WWOX: variants seen among roughly 807,000 people sequenced by gnomAD.
WWOX encodes the protein WW domain-containing oxidoreductase.
Under a neutral mutation model 46.2 loss-of-function variants are expected in WWOX, and 69 were observed. That is an observed-to-expected ratio of 1.49 (90% CI 1.23 to 1.82). The LOEUF is 1.82. Ranked by LOEUF, WWOX falls within the 40% of genes most tolerant of loss-of-function variation. The pLI is 0.00. For synonymous variants in WWOX, 359 were observed against 202.6 expected, an observed-to-expected ratio of 1.77 and a Z score of -6.56; for missense variants, 919 against 542.6, an observed-to-expected ratio of 1.69 and a Z score of -6.89.
At chr16:78,689,838 C>A (rs2047945143) in intron 8 of WWOX, among the ~76,000 whole-genome samples, 1 of 152,074 alleles carries the variant, frequency 6.6e-6, no homozygotes, top group South Asian at 2.1e-4. Flanking sequence ...TAACAAATGT[C>A]AAGGTAACTT....
chr16:78,372,675 G>C (rs184832097), intron 5 of WWOX, among the ~76,000 whole-genome samples: 2 of 152,146 alleles, frequency 1.3e-5, no homozygotes, highest in African/African-American at 2.4e-5. Context: ...TTGAGGCTCC[G>C]TTTTTTTGTT....
chr16:78,109,879 A>G (rs773563334), intron 3 of WWOX, 44 bp downstream of exon 3: 23 of 1,602,242 alleles, frequency 1.4e-5, no homozygotes, highest in Non-Finnish European at 1.9e-5. Context: ...TTTGCTTTTT[A>G]ATAGGAATTT....
At chr16:79,135,171 A>G (rs772066323) in intron 8 of WWOX, among the ~76,000 whole-genome samples, 5 of 152,180 alleles carry the variant, frequency 3.3e-5, no homozygotes, top group Non-Finnish European at 7.3e-5. Context: ...CACTGTTGAC[A>G]GTGTATTGTT....
intron 8 of WWOX, among the ~76,000 whole-genome samples, chr16:79,048,971 C>G (rs13335415): frequency 0.15 from 22,477 of 152,176 alleles, 1,880 homozygotes; most frequent in South Asian, 0.31. Flanking sequence ...AGTCATGATT[C>G]CTCTATTCCC....
chr16:78,737,980 C>A (rs1286837020), intron 8 of WWOX, among the ~76,000 whole-genome samples: 1 of 152,174 alleles, frequency 6.6e-6, no homozygotes, highest in Non-Finnish European at 1.5e-5. Flanking sequence ...CAACATGAGT[C>A]CATGTGTTTT....
At chr16:78,725,604 C>G (rs1002890614) in intron 8 of WWOX, among the ~76,000 whole-genome samples, 8 of 152,032 alleles carry the variant, frequency 5.3e-5, no homozygotes, top group Non-Finnish European at 8.8e-5. Context: ...GCCTCAGCCT[C>G]CCAAAGTCAG....
At chr16:78,140,788 C>G (rs777756912) in intron 4 of WWOX, among the ~76,000 whole-genome samples, 2 of 152,148 alleles carry the variant, frequency 1.3e-5, no homozygotes, top group Non-Finnish European at 2.9e-5. Flanking sequence ...TTCTGAGGTA[C>G]TGGGCTTAGG....
chr16:78,278,188 A>T (rs1218943494), intron 5 of WWOX, among the ~76,000 whole-genome samples: 1 of 152,176 alleles, frequency 6.6e-6, no homozygotes, highest in African/African-American at 2.4e-5. Flanking sequence ...ACTGTAGTCT[A>T]TTAAGAGTTT....
chr16:78,838,534 G>C (rs374886906), intron 8 of WWOX, among the ~76,000 whole-genome samples: 1 of 152,090 alleles, frequency 6.6e-6, no homozygotes, highest in Non-Finnish European at 1.5e-5. Flanking sequence ...CTTGAAATTA[G>C]AAAATTATAA....
intron 8 of WWOX, among the ~76,000 whole-genome samples, chr16:79,036,195 C>A (rs114622469): frequency 6.6e-6 from 1 of 152,176 alleles, no homozygotes; most frequent in Non-Finnish European, 1.5e-5. Context: ...CTTCAAGTAG[C>A]GTCTCAAACA....
intron 8 of WWOX, among the ~76,000 whole-genome samples, chr16:78,930,219 C>T (rs893251736): frequency 1.7e-5 from 2 of 116,118 alleles, no homozygotes; most frequent in Admixed American, 1.8e-4. Context: ...ATTTCAGGAC[C>T]TTTCTTCCTT....
intron 8 of WWOX, among the ~76,000 whole-genome samples, chr16:79,018,801 C>T (rs2047469399): frequency 6.6e-6 from 1 of 152,156 alleles, no homozygotes; most frequent in East Asian, 1.9e-4. Flanking sequence ...TTTTTGTTCC[C>T]CATAGACCCA....
rs73571036 is a variant in WWOX at position 78,403,432 on chromosome 16, G to C, written c.605+16484G>C. ...TTTATGCATCCATGATACTGCAGAA[G>C]TTCATAAATAATGGCTTGTATTGCT... On this transcript the variant is annotated intron_variant, in intron 6 of 8. Coordinates refer to ENST00000566780, the MANE Select transcript of WWOX (RefSeq NM_016373.4). 9.8e-3 allele frequency among the ~76,000 whole-genome samples: 1,495 copies of C among 152,292 alleles called. 21 individuals carry two copies. Among genetic ancestry groups the C allele is most frequent in the African/African-American group, 0.033 (1,361 of 41,578 alleles).
chr16:78,780,079 G>A (rs991576123), intron 8 of WWOX, among the ~76,000 whole-genome samples: 19 of 152,102 alleles, frequency 1.2e-4, no homozygotes, highest in African/African-American at 4.6e-4. Flanking sequence ...TAAATTAATG[G>A]TGTGGCCATG....
At chr16:78,309,288 C>T (rs1435871823) in intron 5 of WWOX, among the ~76,000 whole-genome samples, 4 of 152,200 alleles carry the variant, frequency 2.6e-5, no homozygotes, top group African/African-American at 7.2e-5. Context: ...CATTCTGCTT[C>T]CTGCCGCTTT....
intron 8 of WWOX, among the ~76,000 whole-genome samples, chr16:79,165,133 C>G (rs1383448460): frequency 1.4e-5 from 2 of 141,288 alleles, no homozygotes; most frequent in African/African-American, 2.7e-5. Context: ...GGAAGGTCTT[C>G]ACAGATTAAA....
At chr16:78,328,344 G>A (rs1467868030) in intron 5 of WWOX, among the ~76,000 whole-genome samples, 1 of 151,942 alleles carries the variant, frequency 6.6e-6, no homozygotes, top group East Asian at 1.9e-4. Flanking sequence ...ACCTCACTAG[G>A]GATATTTCAT....
At chr16:78,826,209 G>C (rs959467963) in intron 8 of WWOX, among the ~76,000 whole-genome samples, 1 of 152,166 alleles carries the variant, frequency 6.6e-6, no homozygotes, top group Non-Finnish European at 1.5e-5. Flanking sequence ...ACAAAGATTA[G>C]CCTGGCGTGC....
At chr16:78,739,615 A>C (rs1458428978) in intron 8 of WWOX, among the ~76,000 whole-genome samples, 2 of 152,174 alleles carry the variant, frequency 1.3e-5, no homozygotes, top group Non-Finnish European at 2.9e-5. Flanking sequence ...GTTCAAGACC[A>C]GCCTGGCTAA....
Sources: gnomAD v4.1 joint callset for allele counts (sites outside exome capture counted in the v4.1 genomes callset) on GRCh38, gnomAD v4.1.1 for gene constraint, MANE v1.5 for transcripts, NCBI Gene and HGNC (gene_info 2026-07-23, HGNC 2026-07-21) for gene names.